The following CIMIP2A variants were observed in gnomAD, a reference collection of about 807,000 sequenced individuals.
The protein encoded by CIMIP2A is ciliary microtubule inner protein 2A.
chr9:137,244,057 C>G, the CIMIP2A span: 1 of 1,153,968 alleles, frequency 8.7e-7, no homozygotes, highest in Admixed American at 1.8e-5. Flanking sequence ...AAGGTGGGAC[C>G]CTGGTAATGG....
the CIMIP2A span, among the ~76,000 whole-genome samples, chr9:137,253,751 C>T: frequency 2.0e-5 from 3 of 152,280 alleles, no homozygotes; most frequent in South Asian, 2.1e-4. Context: ...AGCTGCTTGC[C>T]GAGCCAGGGA....
chr9:137,251,271 G>C, the CIMIP2A span: 12 of 1,560,604 alleles, frequency 7.7e-6, no homozygotes, highest in South Asian at 1.1e-5. Context: ...TTGGGGAAGA[G>C]AGCCAGGAGA....
At chr9:137,243,606 A>G in the CIMIP2A span, 16 of 1,611,938 alleles carry the variant, frequency 9.9e-6, no homozygotes, top group Admixed American at 3.3e-5. Flanking sequence ...CTCTTTATTC[A>G]CTCCCAGCCT....
chr9:137,243,614 C>T, the CIMIP2A span: 6 of 1,612,686 alleles, frequency 3.7e-6, no homozygotes, highest in African/African-American at 1.3e-5. Context: ...TCACTCCCAG[C>T]CTGTCCTGTG....
the CIMIP2A span, chr9:137,252,138 G>A: frequency 3.7e-6 from 6 of 1,604,676 alleles, no homozygotes; most frequent in African/African-American, 2.7e-5. Flanking sequence ...GGGCCGAGGT[G>A]TGTGTCCCCT....
chr9:137,252,409 C>G, the CIMIP2A span: 60 of 1,600,906 alleles, frequency 3.7e-5, no homozygotes, highest in Non-Finnish European at 4.8e-5. Flanking sequence ...GGCTCCCAGC[C>G]TTCTCTCTCT....
the CIMIP2A span, chr9:137,253,244 A>G: frequency 1.2e-6 from 2 of 1,605,668 alleles, no homozygotes; most frequent in Non-Finnish European, 1.7e-6. Flanking sequence ...TGCACGCTCT[A>G]GAGCCAGCTG....
chr9:137,249,753 T>C, the CIMIP2A span, among the ~76,000 whole-genome samples: 1 of 152,222 alleles, frequency 6.6e-6, no homozygotes, highest in African/African-American at 2.4e-5. Context: ...AGCGAGGACA[T>C]GGAAGCGCCA....
At chr9:137,244,596 AGT>A in the CIMIP2A span, 9 of 1,605,288 alleles carry the variant, frequency 5.6e-6, 1 homozygote, top group Middle Eastern at 3.3e-4. Context: ...CAGGAGAGGA[AGT>A]GTGTGTGTGA....
chr9:137,243,848 GAC>G, the CIMIP2A span: 1 of 1,558,712 alleles, frequency 6.4e-7, no homozygotes, highest in Non-Finnish European at 8.8e-7. Flanking sequence ...GCATGGGCTG[GAC>G]ACCCAGGCTT....
chr9:137,244,498 C>CGGGGACAGGAG, the CIMIP2A span: 3 of 1,499,132 alleles, frequency 2.0e-6, no homozygotes, highest in Non-Finnish European at 2.7e-6. Context: ...GCGGCACCTC[C>CGGGGACAGGAG]GGGGACAGGA....
the CIMIP2A span, chr9:137,251,537 G>A: frequency 1.0e-6 from 1 of 970,844 alleles, no homozygotes; most frequent in Admixed American, 2.3e-5. Context: ...GCAGGCGGCT[G>A]GGAGCGGCCA....
At chr9:137,245,998 C>A in the CIMIP2A span, 2 of 572,302 alleles carry the variant, frequency 3.5e-6, no homozygotes, top group East Asian at 5.9e-5. Flanking sequence ...CTCTGCTCAC[C>A]TGTAAATGGG....
the CIMIP2A span, chr9:137,251,624 G>A: frequency 1.5e-5 from 20 of 1,304,960 alleles, no homozygotes; most frequent in South Asian, 2.1e-4. Context: ...ACAGGCTGTG[G>A]GGCACGTGGC....
At chr9:137,245,723 T>C in the CIMIP2A span, 1 of 1,602,884 alleles carries the variant, frequency 6.2e-7, no homozygotes, top group Non-Finnish European at 8.5e-7. Context: ...TCAATGAACT[T>C]GGGTTTGGAC....
the CIMIP2A span, chr9:137,252,325 T>C: frequency 8.2e-6 from 11 of 1,339,590 alleles, no homozygotes; most frequent in Admixed American, 4.0e-5. Flanking sequence ...GGGTGGACAT[T>C]GTGAAGACAA....
At chr9:137,247,832 T>C in the CIMIP2A span, 1 of 1,007,096 alleles carries the variant, frequency 9.9e-7, no homozygotes, top group Non-Finnish European at 1.5e-6. Flanking sequence ...GGGCACCTCC[T>C]GGGCCAGGCC....
the CIMIP2A span, chr9:137,245,901 A>G: frequency 5.7e-5 from 80 of 1,409,540 alleles, no homozygotes; most frequent in Non-Finnish European, 7.3e-5. Context: ...GGGCAGCCCC[A>G]GCACTGGGCA....
chr9:137,245,548 G>T, the CIMIP2A span: 1 of 1,613,780 alleles, frequency 6.2e-7, no homozygotes, highest in Non-Finnish European at 8.5e-7. Flanking sequence ...GTTCTTAGAG[G>T]GCTTCAGACC....
Sources: allele counts gnomAD v4.1 joint callset (sites outside exome capture counted in the v4.1 genomes callset), GRCh38; gene constraint gnomAD v4.1.1; transcripts MANE v1.5; gene names NCBI Gene and HGNC (gene_info 2026-07-23, HGNC 2026-07-21).